The following ROBO1 variants were observed in gnomAD, a reference collection of about 807,000 sequenced individuals.
ROBO1 encodes the protein roundabout guidance receptor 1.
Under a neutral mutation model 195.9 loss-of-function variants are expected in ROBO1, and 149 were observed. The ratio of observed to expected loss-of-function variants is 0.76; its 90% CI spans 0.67 to 0.87. The LOEUF (loss-of-function observed/expected upper bound fraction) is 0.87, where lower values mean the gene tolerates loss of function less well. ROBO1 is among the 40% of genes least tolerant of loss of function. ROBO1 has a pLI of 0.00. For missense variants in ROBO1, 1,933 were observed against 2,068.3 expected, an observed-to-expected ratio of 0.93 and a Z score of 1.27; for synonymous variants, 816 against 733.2, an observed-to-expected ratio of 1.11 and a Z score of -1.82.
At chr3:78,932,635 C>T (rs2039592105) in intron 4 of ROBO1, among the ~76,000 whole-genome samples, 1 of 151,828 alleles carries the variant, frequency 6.6e-6, no homozygotes, top group Non-Finnish European at 1.5e-5. Context: ...TTTTGGCCAC[C>T]TAAGAAAAGA....
intron 4 of ROBO1, among the ~76,000 whole-genome samples, chr3:78,758,163 G>C (rs2082987959): frequency 6.6e-6 from 1 of 152,106 alleles, no homozygotes; most frequent in South Asian, 2.1e-4. Context: ...AGCAGAAAGT[G>C]AATCATTTTA....
intron 1 of ROBO1, among the ~76,000 whole-genome samples, chr3:79,698,363 A>G (rs1947507807): frequency 1.3e-5 from 2 of 151,556 alleles, no homozygotes; most frequent in South Asian, 4.1e-4. Flanking sequence ...TGGTTAAAAA[A>G]CAATCACAGA....
intron 2 of ROBO1, among the ~76,000 whole-genome samples, chr3:79,177,944 A>G (rs1329121537): frequency 6.6e-6 from 1 of 152,218 alleles, no homozygotes; most frequent in African/African-American, 2.4e-5. Flanking sequence ...TTTGAGAAAC[A>G]TTTGTCTTAC....
At chr3:79,613,959 G>C (rs1944743592) in intron 1 of ROBO1, among the ~76,000 whole-genome samples, 1 of 151,804 alleles carries the variant, frequency 6.6e-6, no homozygotes, top group South Asian at 2.1e-4. Context: ...AATTCATCAA[G>C]AAGACATAAA....
intron 2 of ROBO1, among the ~76,000 whole-genome samples, chr3:79,334,311 A>ATAT (rs1553721942): frequency 2.6e-3 from 337 of 131,722 alleles, no homozygotes; most frequent in African/African-American, 5.7e-3. Flanking sequence ...AAAAAAAAAA[A>ATAT]ATATATATAT....
At chr3:79,165,265 A>G (rs1436434793) in intron 2 of ROBO1, among the ~76,000 whole-genome samples, 1 of 152,196 alleles carries the variant, frequency 6.6e-6, no homozygotes. Context: ...TTACTCTACC[A>G]TAGTGTTTGT....
chr3:78,852,476 C>T (rs2034128990), intron 4 of ROBO1, among the ~76,000 whole-genome samples: 1 of 152,062 alleles, frequency 6.6e-6, no homozygotes. Context: ...AAGAAATCAC[C>T]AACCAAAAAT....
At chr3:79,582,363 C>G (rs919243800) in intron 2 of ROBO1, among the ~76,000 whole-genome samples, 3 of 151,556 alleles carry the variant, frequency 2.0e-5, no homozygotes, top group Non-Finnish European at 2.9e-5. Flanking sequence ...AAGAACCTAT[C>G]TGAATAACTC....
intron 2 of ROBO1, chr3:79,508,105 G>C (rs549943432): frequency 6.6e-6 from 1 of 152,106 alleles, no homozygotes. Context: ...GGCCTGTTGG[G>C]GGGTGGGGAG....
chr3:78,699,342 G>C (rs1335122513), intron 8 of ROBO1, among the ~76,000 whole-genome samples: 1 of 143,368 alleles, frequency 7.0e-6, no homozygotes, highest in Admixed American at 7.5e-5. Flanking sequence ...TTGAGGTTAG[G>C]AGTTCAAAAC....
At chr3:79,649,419 C>A in intron 1 of ROBO1, among the ~76,000 whole-genome samples, 1 of 151,738 alleles carries the variant, frequency 6.6e-6, no homozygotes. Context: ...TAAAGACTTC[C>A]CATTTATAGA....
At chr3:78,648,120 AAGAG>A (rs1238448587) in intron 19 of ROBO1, among the ~76,000 whole-genome samples, 1 of 152,048 alleles carries the variant, frequency 6.6e-6, no homozygotes, top group African/African-American at 2.4e-5. Context: ...AGAGAAAAAA[AAGAG>A]AGAAAGAAGG....
chr3:79,152,987 C>A (rs77222961), intron 2 of ROBO1, among the ~76,000 whole-genome samples: 5,286 of 151,776 alleles, frequency 0.035, 273 homozygotes, highest in African/African-American at 0.12. Flanking sequence ...AGGTTCAAGT[C>A]TGGCAAAGGT....
chr3:78,928,512 AAC>A (rs1175168044), intron 4 of ROBO1, among the ~76,000 whole-genome samples: 1 of 152,198 alleles, frequency 6.6e-6, no homozygotes, highest in African/African-American at 2.4e-5. Context: ...TTAGAGTCCA[AAC>A]ACAGAATTTT....
intron 4 of ROBO1, among the ~76,000 whole-genome samples, chr3:78,865,052 A>G (rs2035084966): frequency 6.6e-6 from 1 of 152,212 alleles, no homozygotes; most frequent in Non-Finnish European, 1.5e-5. Flanking sequence ...CAAATGTGAT[A>G]CATTATTTGA....
chr3:78,663,316 T>C (rs1054212724), intron 14 of ROBO1, among the ~76,000 whole-genome samples: 1 of 150,620 alleles, frequency 6.6e-6, no homozygotes, highest in Non-Finnish European at 1.5e-5. Flanking sequence ...ATTAAGCTGA[T>C]AAATAAGCAA....
At chr3:79,019,241 A>G in intron 3 of ROBO1, 4 of 985,806 alleles carry the variant, frequency 4.1e-6, no homozygotes, top group Non-Finnish European at 4.8e-6. Flanking sequence ...GCACCCCTAA[A>G]CTACGCAGAA....
chr3:79,172,764 T>A (rs2081190223), intron 2 of ROBO1, among the ~76,000 whole-genome samples: 1 of 152,186 alleles, frequency 6.6e-6, no homozygotes, highest in South Asian at 2.1e-4. Context: ...TTCTAGGATA[T>A]GTCATACATT....
At chr3:79,662,397 T>C (rs1462116685) in intron 1 of ROBO1, among the ~76,000 whole-genome samples, 4 of 152,108 alleles carry the variant, frequency 2.6e-5, no homozygotes, top group East Asian at 1.9e-4. Context: ...TTCTTTTAGA[T>C]CATTAAACCC....
Sources: gnomAD v4.1 joint callset for allele counts (sites outside exome capture counted in the v4.1 genomes callset) on GRCh38, gnomAD v4.1.1 for gene constraint, MANE v1.5 for transcripts, NCBI Gene and HGNC (gene_info 2026-07-23, HGNC 2026-07-21) for gene names.